Variants in FER observed in about 807,000 individuals in gnomAD.
FER encodes FER tyrosine kinase.
In FER, 63 loss-of-function variants were observed where a neutral mutation model predicts 111.0. That is an observed-to-expected ratio of 0.57 (90% CI 0.46 to 0.70). FER has a LOEUF of 0.70. FER is among the 30% of genes least tolerant of loss of function. FER has a pLI of 0.00. For synonymous variants in FER, 327 were observed against 313.9 expected, an observed-to-expected ratio of 1.04 and a Z score of -0.44; for missense variants, 914 against 954.0, an observed-to-expected ratio of 0.96 and a Z score of 0.55.
rs148620893 is a variant in FER, at chr5:108,946,270, C to A, written c.1329+48C>A. 223 of 1,286,290 alleles carry A rather than the reference C, an allele frequency of 1.7e-4. No homozygotes were observed. The African/African-American group carries it at 2.9e-3, about 17-fold the overall frequency. The allele number at this position is 1,286,290 out of a possible 1,614,324, so 79.7% of individuals were successfully genotyped here. On this transcript the variant is annotated intron_variant, in intron 11 of 19. Transcript: ENST00000281092. ...GCTACTGAAAATGGTCATTGTCTAG[C>A]TTCTTTCTGATGCACTAATGAATAT...
intron 5 of FER, among the ~76,000 whole-genome samples, chr5:108,858,739 A>G (rs1028990263): frequency 3.3e-5 from 5 of 150,058 alleles, no homozygotes; most frequent in African/African-American, 1.2e-4. Flanking sequence ...GAAAATGACA[A>G]CATTTGAGTT....
chr5:108,979,602 C>T (rs1289056474), intron 13 of FER, among the ~76,000 whole-genome samples: 1 of 152,022 alleles, frequency 6.6e-6, no homozygotes, highest in Non-Finnish European at 1.5e-5. Flanking sequence ...CTAAGTATAT[C>T]ATTAAATGTG....
intron 10 of FER, among the ~76,000 whole-genome samples, chr5:108,912,735 A>ATTG (rs1751731819): frequency 6.6e-6 from 1 of 152,204 alleles, no homozygotes; most frequent in African/African-American, 2.4e-5. Flanking sequence ...AGAAGAGCAA[A>ATTG]ACAAGAAAGG....
At chr5:108,901,372 A>T (rs550258948) in intron 10 of FER, among the ~76,000 whole-genome samples, 1 of 152,294 alleles carries the variant, frequency 6.6e-6, no homozygotes, top group East Asian at 1.9e-4. Flanking sequence ...TAAAGAATTA[A>T]AGCTGTGTAA....
intron 9 of FER, among the ~76,000 whole-genome samples, chr5:108,885,704 C>T (rs937547620): frequency 2.6e-5 from 4 of 151,650 alleles, no homozygotes; most frequent in African/African-American, 9.7e-5. Flanking sequence ...TTCCAAAGGC[C>T]CCCACCTCCT....
intron 1 of FER, among the ~76,000 whole-genome samples, chr5:108,761,305 C>G (rs891041387): frequency 1.3e-5 from 2 of 152,096 alleles, no homozygotes; most frequent in Non-Finnish European, 2.9e-5. Flanking sequence ...GCAACTATTC[C>G]TTTTATTTGA....
chr5:108,806,437 C>T (rs570045758), intron 3 of FER, among the ~76,000 whole-genome samples: 4 of 152,316 alleles, frequency 2.6e-5, no homozygotes, highest in East Asian at 3.9e-4. Flanking sequence ...AGAGGGCTAC[C>T]GTCCTCCAGA....
chr5:109,018,340 G>A (rs570145745), intron 13 of FER, among the ~76,000 whole-genome samples: 8 of 151,908 alleles, frequency 5.3e-5, no homozygotes, highest in Middle Eastern at 3.4e-3. Context: ...AAAGATTTGC[G>A]ACTGATAACT....
chr5:109,075,062 GTA>G (rs1357862943), intron 16 of FER, among the ~76,000 whole-genome samples: 1 of 152,142 alleles, frequency 6.6e-6, no homozygotes, highest in Non-Finnish European at 1.5e-5. Context: ...AATTCTGTGT[GTA>G]TATATCTTAG....
At chr5:109,088,676 C>A (rs1268742112) in intron 16 of FER, among the ~76,000 whole-genome samples, 1 of 152,084 alleles carries the variant, frequency 6.6e-6, no homozygotes. Context: ...CTTCCATATG[C>A]ATAAATCATT....
chr5:109,121,645 G>A (rs1034769206), intron 17 of FER, among the ~76,000 whole-genome samples: 1 of 151,844 alleles, frequency 6.6e-6, no homozygotes, highest in Non-Finnish European at 1.5e-5. Context: ...CTGTATTTTT[G>A]GGGGGCAGGA....
intron 17 of FER, among the ~76,000 whole-genome samples, chr5:109,112,889 G>A (rs1402091647): frequency 6.6e-6 from 1 of 152,114 alleles, no homozygotes; most frequent in African/African-American, 2.4e-5. Flanking sequence ...TACTGAAGAA[G>A]AGTAGACAGC....
intron 5 of FER, among the ~76,000 whole-genome samples, chr5:108,844,844 T>C (rs955572062): frequency 1.7e-4 from 25 of 151,260 alleles, no homozygotes; most frequent in African/African-American, 5.6e-4. Flanking sequence ...AGTAATTCAC[T>C]TTTTAAAATT....
intron 3 of FER, among the ~76,000 whole-genome samples, chr5:108,811,757 C>G (rs1442977165): frequency 6.6e-6 from 1 of 152,118 alleles, no homozygotes; most frequent in African/African-American, 2.4e-5. Context: ...AGAGGTACCT[C>G]CTGTGTAAAT....
In FER at chr5:108,793,370, C is replaced by T. The variant is rs116433648; in HGVS notation, c.-59-4754C>T. Among the ~76,000 whole-genome samples the T allele has an allele frequency of 3.8e-3, 575 of 152,206 alleles. 5 individuals are homozygous for T. Among genetic ancestry groups the T allele is most frequent in the African/African-American group, 0.013 (549 of 41,530 alleles). On this transcript the variant is annotated intron_variant, in intron 2 of 19. Transcript: ENST00000281092. ...TTAATGGCTGAATAGTACTCCATTG[C>T]GTATATGTACCACATCTCTTTATTC...
At chr5:108,777,782 C>T (rs1195394798) in intron 2 of FER, among the ~76,000 whole-genome samples, 2 of 152,158 alleles carry the variant, frequency 1.3e-5, no homozygotes, top group African/African-American at 4.8e-5. Flanking sequence ...TCACATCTTA[C>T]GTGGATGGCA....
chr5:109,130,970 T>A (rs1001141536), intron 17 of FER, among the ~76,000 whole-genome samples: 1 of 152,214 alleles, frequency 6.6e-6, no homozygotes, highest in East Asian at 1.9e-4. Flanking sequence ...CTTCATACTT[T>A]TCATTTATAT....
chr5:109,002,256 G>A (rs569008491), intron 13 of FER, among the ~76,000 whole-genome samples: 1 of 151,966 alleles, frequency 6.6e-6, no homozygotes, highest in African/African-American at 2.4e-5. Context: ...AACAGCATGG[G>A]ACTGGTACCA....
At chr5:108,835,590 G>T in intron 4 of FER, 118 bp from the exon 5 acceptor site, 1 of 551,480 alleles carries the variant, frequency 1.8e-6, no homozygotes, top group East Asian at 3.5e-5. Context: ...GTATATTAAA[G>T]GACAACTCTG....
Sources: allele counts gnomAD v4.1 joint callset (sites outside exome capture counted in the v4.1 genomes callset), GRCh38; gene constraint gnomAD v4.1.1; transcripts MANE v1.5; gene names NCBI Gene and HGNC (gene_info 2026-07-23, HGNC 2026-07-21).